BRCA1: variants seen among roughly 807,000 people sequenced by gnomAD.
BRCA1 encodes breast cancer type 1 susceptibility protein.
In BRCA1, 140 loss-of-function variants were observed where a neutral mutation model predicts 173.7. The ratio of observed to expected loss-of-function variants is 0.81; its 90% CI spans 0.70 to 0.93. The LOEUF (loss-of-function observed/expected upper bound fraction) is 0.93. Ranked by LOEUF, BRCA1 falls within the 40% of genes least tolerant of loss-of-function variation. The probability of loss-of-function intolerance (pLI) is 0.00; values close to 1 mark genes in which losing one functional copy is unlikely to be tolerated. For missense variants in BRCA1, 1,983 were observed against 2,172.5 expected, an observed-to-expected ratio of 0.91 and a Z score of 1.73; for synonymous variants, 662 against 756.0, an observed-to-expected ratio of 0.88 and a Z score of 2.04.
intron 1 of BRCA1, among the ~76,000 whole-genome samples, chr17:43,146,045 T>C (rs1401855812): frequency 6.6e-6 from 1 of 152,202 alleles, no homozygotes; most frequent in Non-Finnish European, 1.5e-5. Context: ...GTGGGCACTC[T>C]GTAACATCTT....
chr17:43,065,120 A>G (rs922218162), intron 16 of BRCA1, among the ~76,000 whole-genome samples: 5 of 152,088 alleles, frequency 3.3e-5, no homozygotes, highest in South Asian at 2.1e-4. Flanking sequence ...CTGAGCCACC[A>G]CGCTTGGCAT....
At chr17:43,091,344 G>C in intron 10 of BRCA1, 91 bp downstream of exon 10, 1 of 1,525,494 alleles carries the variant, frequency 6.6e-7, no homozygotes, top group Non-Finnish European at 9.1e-7. Flanking sequence ...ACTATACTTG[G>C]AAATTTGTAA....
At position 43,104,143 on chromosome 17, in the gene BRCA1, A is replaced by G. The variant is rs730881448; in HGVS notation, c.420T>C (p.Ser140=). 4.3e-6 allele frequency: 7 copies of G among 1,613,696 alleles called. No individual in the cohort carries two copies. In the Admixed American group the frequency reaches 1.2e-4, roughly 27 times the overall value. The part of the protein sequence containing the change: ...YRNRAKRLLQ[S]EPENPSLQET... The stretch of plus-strand genomic sequence containing the variant: ...TTACCAAGGAAGGATTTTCGGGTTC[A>G]CTCTGTAGAAGTCTTTTGGCACGGT... The change falls in exon 6 of 23, where the codon AGT becomes AGC. Residue 140 remains serine, a synonymous_variant. Coordinates refer to ENST00000357654, the MANE Select transcript of BRCA1 (RefSeq NM_007294.4).
chr17:43,133,935 T>A lies in BRCA1; in HGVS notation c.-19-9820A>T, dbSNP rs554657188. On this transcript the variant is annotated intron_variant, in intron 1 of 7. Transcript: ENST00000634433. ...CAGGCGTGAGCCACCACGCCCAGCC[T>A]CCTTTTTCACTTCCTACCTTCCTCC... is the stretch of plus-strand genomic sequence containing the variant. Among the ~76,000 whole-genome samples, 6 of 152,238 alleles carry A rather than the reference T, an allele frequency of 3.9e-5. No homozygotes were observed. In the East Asian group the frequency reaches 1.2e-3, roughly 29 times the overall value.
intron 4 of BRCA1, 144 bp from the exon 5 acceptor site, chr17:43,105,100 C>T: frequency 1.5e-6 from 1 of 682,184 alleles, no homozygotes; most frequent in South Asian, 1.7e-5. Flanking sequence ...TCATTGACAT[C>T]TGTATAAACC....
chr17:43,114,094 G>C (rs8176106), intron 3 of BRCA1, among the ~76,000 whole-genome samples: 1 of 151,830 alleles, frequency 6.6e-6, no homozygotes, highest in African/African-American at 2.4e-5. Flanking sequence ...AAAAGACAGG[G>C]TCTCACTCTG....
At chr17:43,111,434 T>A (rs1472904694) in intron 3 of BRCA1, among the ~76,000 whole-genome samples, 1 of 149,294 alleles carries the variant, frequency 6.7e-6, no homozygotes, top group Non-Finnish European at 1.5e-5. Context: ...GCAGGAGATT[T>A]GCTTGAACCC....
At chr17:43,164,787 A>G (rs891803704) in intron 1 of BRCA1, 15 of 152,154 alleles carry the variant, frequency 9.9e-5, no homozygotes, top group African/African-American at 3.6e-4. Flanking sequence ...TGTGATCTTC[A>G]GGCTGGTGCT....
chr17:43,090,878 G>A lies in BRCA1; in HGVS notation c.4185+66C>T, dbSNP rs1263850734. 4.3e-6 allele frequency: 6 copies of A among 1,381,440 alleles called. No homozygotes were observed. The East Asian group carries it at 9.7e-5, about 22-fold the overall frequency. 85.6% of individuals were successfully genotyped at this position (1,381,440 alleles called of 1,614,324 possible). ...GATGTCAGCAAACCTAAGAATGTGG[G>A]ATACATACTACTGAATGCAAAGGAC... On this transcript the variant is annotated intron_variant, in intron 11 of 22. Transcript: ENST00000357654.
chr17:43,149,447 C>T (rs1401662747), intron 1 of BRCA1, among the ~76,000 whole-genome samples: 1 of 150,956 alleles, frequency 6.6e-6, no homozygotes, highest in Admixed American at 6.6e-5. Flanking sequence ...GTTGGCCAGG[C>T]TGGTCTCGAA....
rs80357981 is a variant in BRCA1, at chr17:43,082,517, TC to T, written c.4243del (p.Glu1415LysfsTer4). 1 of 1,614,100 alleles carries T rather than the reference TC, an allele frequency of 6.2e-7. No homozygotes were observed. The highest frequency in any genetic ancestry group is 8.5e-7 in the Non-Finnish European group (1 of 1,180,038). ...IKLQQEMAEL[E>X]AVLEQHGSQP... ...GCTCCCATGCTGTTCTAACACAGCT[TC>T]TAGTTCAGCCATTTCCTGCTGGAGC... On this transcript the variant is annotated frameshift_variant, in exon 12 of 23. Coordinates refer to ENST00000357654, the MANE Select transcript of BRCA1 (RefSeq NM_007294.4). LOFTEE classifies it high-confidence loss of function.
At chr17:43,049,303 G>A in intron 20 of BRCA1, 109 bp from the exon 21 acceptor site, 1 of 962,604 alleles carries the variant, frequency 1.0e-6, no homozygotes, top group Non-Finnish European at 1.7e-6. Flanking sequence ...CTCTCAATGG[G>A]AGAGTCTGTC....
chr17:43,067,607 C>T lies in BRCA1; in HGVS notation c.5074+1G>A, dbSNP rs80358053. 3 of 1,605,960 alleles carry T rather than the reference C, an allele frequency of 1.9e-6. No homozygotes were observed. The highest frequency in any genetic ancestry group is 2.2e-5 in the South Asian group (2 of 90,948). On this transcript the variant is annotated splice_donor_variant, in intron 16 of 22. Transcript: ENST00000357654. LOFTEE classifies it high-confidence loss of function. ...GTATTCTGTAAAGGTTCTTGGTATA[C>T]CTGTTTTCATAACAACATGAGTAGT...
intron 1 of BRCA1, among the ~76,000 whole-genome samples, chr17:43,158,012 AAT>A (rs2056209059): frequency 6.6e-6 from 1 of 152,044 alleles, no homozygotes; most frequent in African/African-American, 2.4e-5. Flanking sequence ...AAAAAAAAAA[AAT>A]ATTAATCTAA....
Position 43,116,287 on chromosome 17 carries a change from T to G in BRCA1, c.81-508A>C, listed in dbSNP as rs562162183. 5.9e-4 allele frequency among the ~76,000 whole-genome samples: 90 copies of G among 152,344 alleles called. 4 individuals carry two copies. In the South Asian group the frequency reaches 0.018, roughly 30 times the overall value. The stretch of plus-strand genomic sequence containing the variant: ...AAATAAAATAATAAAATGAACTATA[T>G]GGACCATCACCCTGGTCCAACAACC... On this transcript the variant is annotated intron_variant, in intron 2 of 22. Transcript: ENST00000357654.
rs768001441 is a variant in BRCA1, at chr17:43,092,967, T to C, written c.2564A>G (p.Gln855Arg). The change falls in exon 10 of 23, where the codon CAG (glutamine) becomes CGG (arginine). Residue 855 changes from glutamine (Q) to arginine (R), a missense_variant. Gln to Arg is a conservative substitution (Grantham distance 43, BLOSUM62 1). Coordinates refer to ENST00000357654, the MANE Select transcript of BRCA1 (RefSeq NM_007294.4). The stretch of plus-strand genomic sequence containing the variant: ...AACCTTGAATGTATTCTGCAAATAC[T>C]GAGCATCAAGTTCACTTTCTTCCAT... The part of the protein sequence containing the change: ...IEMEESELDA[Q>R]YLQNTFKVSK... 1 of 1,613,508 alleles carries C rather than the reference T, an allele frequency of 6.2e-7. No individual in the cohort carries two copies. The highest frequency in any genetic ancestry group is 8.5e-7 in the Non-Finnish European group (1 of 1,179,606).
At position 43,070,929 on chromosome 17, in the gene BRCA1, A is replaced by G. The variant is rs28897695; in HGVS notation, c.4985T>C (p.Phe1662Ser). The G allele has an allele frequency of 1.3e-5, 21 of 1,614,022 alleles. No individual in the cohort carries two copies. In the East Asian group the frequency reaches 3.8e-4, roughly 29 times the overall value. Residue 1662 changes from phenylalanine to serine, a missense_variant and splice_region_variant, in exon 15 of 23, where the codon TTT (phenylalanine) becomes TCT (serine). Phe to Ser is a radical substitution (Grantham distance 155). Coordinates refer to ENST00000357654, the MANE Select transcript of BRCA1 (RefSeq NM_007294.4). Reference protein sequence around the residue: ...MVVSGLTPEEFMLVYKFARKH... With the variant: ...MVVSGLTPEESMLVYKFARKH... ...GGAGATACATATGGATACACTCACAAATTCTTCTGGGGTCAGGCCAGACAC... is the reference window on the plus strand; with the variant it reads ...GGAGATACATATGGATACACTCACAGATTCTTCTGGGGTCAGGCCAGACAC...
chr17:43,071,683 T>C (rs978159065), intron 14 of BRCA1, among the ~76,000 whole-genome samples: 1 of 152,162 alleles, frequency 6.6e-6, no homozygotes, highest in Non-Finnish European at 1.5e-5. Flanking sequence ...CTAAGCAATA[T>C]TATTTATCAT....
At position 43,056,814 on chromosome 17, in the gene BRCA1, C is replaced by T. The variant is rs559522690; in HGVS notation, c.5277+238G>A. Among the ~76,000 whole-genome samples the T allele has an allele frequency of 1.1e-4, 17 of 152,288 alleles. 1 individual carries two copies. In the East Asian group the frequency reaches 1.7e-3, roughly 16 times the overall value. On this transcript the variant is annotated intron_variant, in intron 19 of 22. Transcript: ENST00000357654. Reference sequence around the variant, plus strand: ...TATCAGCTAAGATCTGAACCCGAGACGGGAATCCAAATTACACAGCCTCTC... The same window carrying T: ...TATCAGCTAAGATCTGAACCCGAGATGGGAATCCAAATTACACAGCCTCTC...
Sources: gnomAD v4.1 joint callset for allele counts (sites outside exome capture counted in the v4.1 genomes callset) on GRCh38, gnomAD v4.1.1 for gene constraint, MANE v1.5 for transcripts, NCBI Gene and HGNC (gene_info 2026-07-23, HGNC 2026-07-21) for gene names.